PPP6R2: variants seen among roughly 807,000 people sequenced by gnomAD.
PPP6R2 encodes serine/threonine-protein phosphatase 6 regulatory subunit 2.
A neutral mutation model predicts 100.2 loss-of-function variants in PPP6R2; 62 were observed. The observed-to-expected ratio is 0.62, with a 90% CI of 0.50 to 0.76. The LOEUF is 0.76. Ranked by LOEUF, PPP6R2 falls within the 30% of genes least tolerant of loss-of-function variation. PPP6R2 has a pLI of 0.00. For synonymous variants in PPP6R2, 525 were observed against 514.7 expected, an observed-to-expected ratio of 1.02 and a Z score of -0.27; for missense variants, 1,142 against 1,276.3, an observed-to-expected ratio of 0.89 and a Z score of 1.60.
chr22:50,366,265 G>A (rs2048739407), intron 1 of PPP6R2, among the ~76,000 whole-genome samples: 1 of 151,806 alleles, frequency 6.6e-6, no homozygotes, highest in Non-Finnish European at 1.5e-5. Context: ...CACTGCAACT[G>A]GCAGGAATAG....
At chr22:50,437,759 A>G (rs2064683649) in intron 16 of PPP6R2, 84 bp from the exon 17 acceptor site, 5 of 1,471,232 alleles carry the variant, frequency 3.4e-6, no homozygotes, top group Admixed American at 2.0e-5. Flanking sequence ...GAGGCCCCCG[A>G]TGAGCACCGG....
intron 2 of PPP6R2, among the ~76,000 whole-genome samples, chr22:50,387,552 G>A (rs144250381): frequency 1.8e-4 from 27 of 151,794 alleles, no homozygotes; most frequent in Non-Finnish European, 3.1e-4. Context: ...ATTTTTTTCC[G>A]GGCCAAATGG....
At chr22:50,371,103 AC>A (rs1185771483) in intron 1 of PPP6R2, among the ~76,000 whole-genome samples, 1 of 152,220 alleles carries the variant, frequency 6.6e-6, no homozygotes, top group Non-Finnish European at 1.5e-5. Context: ...TTCATACCTG[AC>A]AACGCCAATT....
intron 3 of PPP6R2, among the ~76,000 whole-genome samples, chr22:50,402,518 G>T (rs2058222732): frequency 6.6e-6 from 1 of 152,048 alleles, no homozygotes; most frequent in Admixed American, 6.6e-5. Context: ...CTGGAGTTCT[G>T]TGGCCTGAAT....
chr22:50,443,744 A>AG (rs1320630024), intron 22 of PPP6R2, 122 bp from the exon 23 acceptor site: 1 of 1,359,102 alleles, frequency 7.4e-7, no homozygotes, highest in African/African-American at 1.5e-5. Context: ...CAGGAGTGAG[A>AG]GGGGCCAAAG....
chr22:50,444,041 G>T lies in PPP6R2; in HGVS notation c.2755G>T (p.Val919Phe). The change falls in exon 23 of 24, where the codon GTC (valine) becomes TTC (phenylalanine). Residue 919 changes from valine (V) to phenylalanine (F), a missense_variant. Physicochemically the swap from Val to Phe is conservative, Grantham distance 50. Coordinates refer to ENST00000612753, the MANE Select transcript of PPP6R2 (RefSeq NM_001242898.2). ...PAVSSALAVA[V>F]PLGPIMAVTA... is the part of the protein sequence containing the mutation. ...AGTCTCTTCTGCACTGGCCGTGGCG[G>T]TCCCCCTAGGGCCCATCATGGCAGT... The T allele has an allele frequency of 6.2e-7, 1 of 1,613,230 alleles. No individual in the cohort carries two copies.
chr22:50,412,423 C>T (rs1376183642), intron 4 of PPP6R2, among the ~76,000 whole-genome samples: 1 of 151,886 alleles, frequency 6.6e-6, no homozygotes, highest in African/African-American at 2.4e-5. Context: ...ATCAAGTGAT[C>T]CGCCTGCCTT....
At chr22:50,426,086 A>T (rs1205636848) in intron 10 of PPP6R2, among the ~76,000 whole-genome samples, 2 of 152,018 alleles carry the variant, frequency 1.3e-5, no homozygotes, top group Admixed American at 1.3e-4. Flanking sequence ...CTGAGTAGCT[A>T]AGACTGCAGG....
At chr22:50,358,518 A>G (rs568231994) in intron 1 of PPP6R2, among the ~76,000 whole-genome samples, 2 of 152,338 alleles carry the variant, frequency 1.3e-5, no homozygotes, top group African/African-American at 4.8e-5. Context: ...AATTAATATG[A>G]TAAACTATAC....
At chr22:50,438,864 G>A in intron 19 of PPP6R2, 102 bp downstream of exon 19, 1 of 1,232,958 alleles carries the variant, frequency 8.1e-7, no homozygotes, top group Non-Finnish European at 1.1e-6. Context: ...GAGGCATTTG[G>A]GGCTCACTGT....
upstream of PPP6R2, among the ~76,000 whole-genome samples, chr22:50,338,692 G>A (rs796633617): frequency 1.4e-5 from 2 of 147,120 alleles, no homozygotes; most frequent in Admixed American, 6.8e-5. Flanking sequence ...TATGTGGTGT[G>A]TGTGGTGTGT....
intron 1 of PPP6R2, among the ~76,000 whole-genome samples, chr22:50,348,190 C>G (rs1032032135): frequency 6.6e-6 from 1 of 152,122 alleles, no homozygotes; most frequent in Non-Finnish European, 1.5e-5. Flanking sequence ...CCGTTCCTTG[C>G]AGGTGTTAGT....
chr22:50,368,213 A>G (rs1212667555), intron 1 of PPP6R2, among the ~76,000 whole-genome samples: 1 of 152,200 alleles, frequency 6.6e-6, no homozygotes, highest in Non-Finnish European at 1.5e-5. Context: ...ACGCCTCCAG[A>G]TGGCTGCGGG....
chr22:50,406,944 AGCCTGG>A, intron 4 of PPP6R2, 69 bp downstream of exon 4: 1 of 1,483,504 alleles, frequency 6.7e-7, no homozygotes, highest in East Asian at 2.3e-5. Context: ...TCCTGCTGTG[AGCCTGG>A]CGGTGCGACT....
chr22:50,430,336 T>C (rs1760914878), intron 10 of PPP6R2, among the ~76,000 whole-genome samples: 1 of 152,196 alleles, frequency 6.6e-6, no homozygotes, highest in South Asian at 2.1e-4. Flanking sequence ...GTGGACGATA[T>C]GCACACGCCT....
chr22:50,351,467 C>T (rs980637578), intron 1 of PPP6R2, among the ~76,000 whole-genome samples: 1 of 150,976 alleles, frequency 6.6e-6, no homozygotes, highest in African/African-American at 2.4e-5. Context: ...CGTTGACTTA[C>T]CCTGTCTAGC....
intron 3 of PPP6R2, among the ~76,000 whole-genome samples, chr22:50,403,086 G>T (rs1229559676): frequency 1.3e-5 from 2 of 152,172 alleles, no homozygotes; most frequent in Admixed American, 1.3e-4. Flanking sequence ...GGTGGTGCAT[G>T]CCTGTAATCC....
chr22:50,431,033 A>G lies in PPP6R2; in HGVS notation c.1126-140A>G. The G allele has an allele frequency of 1.4e-6, 1 of 716,394 alleles. No individual in the cohort carries two copies. Among genetic ancestry groups the G allele is most frequent in the Non-Finnish European group, 2.4e-6 (1 of 418,920 alleles). The allele number at this position is 716,394 out of a possible 1,614,324, so 44.4% of individuals were successfully genotyped here. On this transcript the variant is annotated intron_variant, in intron 10 of 23. Transcript: ENST00000612753. The surrounding 1 kb of genome is among the most constrained non-coding windows in gnomAD (Gnocchi z 4.8). ...GAGATGACCCTCAGGAAAACGCTTA[A>G]AACTCCTTCCTAGCTACCCAGAGAC...
At position 50,438,678 on chromosome 22, in the gene PPP6R2, G is replaced by A; in HGVS notation, c.2044G>A (p.Glu682Lys). The change falls in exon 19 of 24, where the codon GAA becomes AAA. Residue 682 changes from glutamate (E) to lysine (K), a missense_variant. Glu to Lys is a moderately conservative substitution (Grantham distance 56, BLOSUM62 1). Coordinates refer to ENST00000612753, the MANE Select transcript of PPP6R2 (RefSeq NM_001242898.2). The stretch of plus-strand genomic sequence containing the variant: ...AGGCCAGGATGGGAAGGCGAGCTTG[G>A]AAGCACACAGAGATGCACCTGGGGC... ...RGGQDGKASLEAHRDAPGAGA... is the reference protein window; with the variant it reads ...RGGQDGKASLKAHRDAPGAGA... 1.8e-5 allele frequency: 29 copies of A among 1,614,024 alleles called. No homozygotes were observed. Among genetic ancestry groups the A allele is most frequent in the Non-Finnish European group, 2.4e-5 (28 of 1,179,998 alleles).
Sources: gnomAD v4.1 joint callset for allele counts (sites outside exome capture counted in the v4.1 genomes callset) on GRCh38, gnomAD v4.1.1 for gene constraint, Gnocchi (gnomAD v3.1) non-coding constraint, MANE v1.5 for transcripts, NCBI Gene and HGNC (gene_info 2026-07-23, HGNC 2026-07-21) for gene names.